BTN1A1: variants seen among roughly 807,000 people sequenced by gnomAD.
BTN1A1 encodes butyrophilin subfamily 1 member A1.
Under a neutral mutation model 33.1 loss-of-function variants are expected in BTN1A1, and 26 were observed. The observed-to-expected ratio is 0.79, with a 90% CI of 0.58 to 1.09. The LOEUF is 1.09. Ranked by LOEUF, BTN1A1 falls within the 50% of genes least tolerant of loss-of-function variation. The pLI is 0.00. For synonymous variants in BTN1A1, 235 were observed against 256.2 expected (o/e 0.92, Z 0.79); for missense variants, 558 against 655.7 (o/e 0.85, Z 1.63).
intron 3 of BTN1A1, among the ~76,000 whole-genome samples, chr6:26,503,967 T>A (rs1285733529): frequency 6.6e-6 from 1 of 152,112 alleles, no homozygotes; most frequent in African/African-American, 2.4e-5. Context: ...GGAATGTGGA[T>A]TTTAACCAGT....
chr6:26,503,657 A>T (rs897994359), intron 3 of BTN1A1, among the ~76,000 whole-genome samples: 1 of 148,678 alleles, frequency 6.7e-6, no homozygotes, highest in Non-Finnish European at 1.5e-5. Flanking sequence ...ATATGCATAT[A>T]TTATATATAT....
rs1581431486 is a variant in BTN1A1 at position 26,508,678 on chromosome 6, T to G, written c.1085T>G (p.Val362Gly). 3 of 1,613,510 alleles carry G rather than the reference T, an allele frequency of 1.9e-6. No individual in the cohort carries two copies. Among genetic ancestry groups the G allele is most frequent in the Non-Finnish European group, 2.5e-6 (3 of 1,179,882 alleles). ...TFTSGRHYWEVEVGDRTDWAI... is the reference protein window; with the variant it reads ...TFTSGRHYWEGEVGDRTDWAI... ...ACCTCAGGAAGGCATTACTGGGAGG[T>G]GGAGGTGGGAGACAGGACTGACTGG... is the stretch of plus-strand genomic sequence containing the variant. The change falls in exon 8 of 8, where the codon GTG becomes GGG. Residue 362 changes from valine (V) to glycine (G), a missense_variant. Val to Gly is a moderately radical substitution (Grantham distance 109, BLOSUM62 -3). Transcript: ENST00000684113.
intron 3 of BTN1A1, 44 bp from the exon 4 acceptor site, chr6:26,504,881 A>G: frequency 1.3e-6 from 2 of 1,586,076 alleles, no homozygotes; most frequent in Non-Finnish European, 1.7e-6. Context: ...AAGGCTCCCA[A>G]AAGGGGTCCG....
chr6:26,508,922 T>C lies in BTN1A1; in HGVS notation c.1329T>C (p.Asp443=), dbSNP rs1294388475. The C allele has an allele frequency of 6.2e-7, 1 of 1,614,222 alleles. No individual in the cohort carries two copies. Among genetic ancestry groups the C allele is most frequent in the South Asian group, 1.1e-5 (1 of 91,082 alleles). ...TCTACAACATGAATGATGGATCTGA[T>C]ATCTATACTTTCTCCAATGTCACTT... ...ISFYNMNDGS[D]IYTFSNVTFS... is the part of the protein sequence containing the mutation. The change falls in exon 8 of 8, where the codon GAT becomes GAC. Residue 443 remains aspartate, a synonymous_variant. Transcript: ENST00000684113.
chr6:26,506,974 G>A (rs1177919508), intron 5 of BTN1A1, 142 bp downstream of exon 5: 36 of 1,057,738 alleles, frequency 3.4e-5, no homozygotes, highest in Middle Eastern at 3.0e-4. Flanking sequence ...TAATCCCAGC[G>A]GTTTGGGAAG....
At chr6:26,506,123 CA>C (rs34524548) in intron 4 of BTN1A1, among the ~76,000 whole-genome samples, 207 of 129,980 alleles carry the variant, frequency 1.6e-3, no homozygotes, top group East Asian at 1.3e-3. Context: ...GACTGCATCT[CA>C]AAAAAAAAAA....
chr6:26,504,820 C>G, intron 3 of BTN1A1, 105 bp from the exon 4 acceptor site: 1 of 1,189,738 alleles, frequency 8.4e-7, no homozygotes, highest in Middle Eastern at 2.9e-4. Context: ...TACTAGTCCA[C>G]TTGTGCCTTT....
chr6:26,501,182 G>A lies in BTN1A1; in HGVS notation c.-57-48G>A, dbSNP rs923971333. The stretch of plus-strand genomic sequence containing the variant: ...AACTGTAGAGAGGACTTTGGAAAGC[G>A]GAGGGTTGACAGAGCCGGTAGTTGT... On this transcript the variant is annotated intron_variant, in intron 1 of 7. Coordinates refer to ENST00000684113, the MANE Select transcript of BTN1A1 (RefSeq NM_001732.3). The surrounding 1 kb of genome is among the most constrained non-coding windows in gnomAD (Gnocchi z 5.2). 4 of 957,720 alleles carry A rather than the reference G, an allele frequency of 4.2e-6. No homozygotes were observed. The highest frequency in any genetic ancestry group is 1.6e-5 in the African/African-American group (1 of 62,368). 59.3% of individuals were successfully genotyped at this position (957,720 alleles called of 1,614,324 possible). A position where few individuals can be genotyped will look rare whatever the true frequency, so the allele number is the denominator to read the frequency against.
rs1224303287 is a variant in BTN1A1 at position 26,501,520 on chromosome 6, G to A, written c.80-70G>A. The A allele has an allele frequency of 1.9e-6, 3 of 1,596,526 alleles. No homozygotes were observed. The highest frequency in any genetic ancestry group is 1.3e-5 in the African/African-American group (1 of 74,512). ...GAGCGCGGGGCACTGCGCTTTGGCG[G>A]GAATCTGGTCGGTGTCTGTCCGTAG... On this transcript the variant is annotated intron_variant, in intron 2 of 7. Coordinates refer to ENST00000684113, the MANE Select transcript of BTN1A1 (RefSeq NM_001732.3). This position sits in a 1 kb window ranked among gnomAD's most constrained non-coding sequence, Gnocchi z 5.2.
intron 4 of BTN1A1, among the ~76,000 whole-genome samples, chr6:26,506,474 G>A (rs951919746): frequency 1.3e-5 from 2 of 151,842 alleles, no homozygotes; most frequent in East Asian, 3.9e-4. Context: ...AAAATTACTC[G>A]TCATTTCTCT....
rs373501777 is a variant in BTN1A1 at position 26,506,699 on chromosome 6, G to T, written c.726G>T (p.Arg242Ser). ...TTGTTTTAGCTTCCTCCCTCCCAAGGCTGACTCCCTGGATAGTGGCTGTGG... is the reference window on the plus strand; with the variant it reads ...TTGTTTTAGCTTCCTCCCTCCCAAGTCTGACTCCCTGGATAGTGGCTGTGG... ...EISIPASSLP[R>S]LTPWIVAVAV... Residue 242 changes from arginine to serine, a missense_variant, in exon 5 of 8, where the codon AGG becomes AGT. Physicochemically the swap from Arg to Ser is moderately radical, Grantham distance 110. Coordinates refer to ENST00000684113, the MANE Select transcript of BTN1A1 (RefSeq NM_001732.3). 1.1e-5 allele frequency: 18 copies of T among 1,613,904 alleles called. No homozygotes were observed. The Admixed American group carries it at 2.7e-4, about 24-fold the overall frequency.
At chr6:26,506,270 C>T (rs1336450751) in intron 4 of BTN1A1, among the ~76,000 whole-genome samples, 1 of 152,158 alleles carries the variant, frequency 6.6e-6, no homozygotes, top group Non-Finnish European at 1.5e-5. Context: ...CAGATACTGT[C>T]TCTGGTTCAG....
intron 3 of BTN1A1, among the ~76,000 whole-genome samples, chr6:26,502,902 T>C (rs1191248266): frequency 6.6e-6 from 1 of 152,202 alleles, no homozygotes; most frequent in African/African-American, 2.4e-5. Context: ...ATAAAGAAAA[T>C]AATAAGCTTT....
rs7745700 is a variant in BTN1A1 at position 26,509,507 on chromosome 6, T to G, written c.*333T>G. The stretch of plus-strand genomic sequence containing the variant: ...GGGTCAGGTTAGCATGGGGTTGTGG[T>G]TGAAATATCTTGGTATCCAGGATAA... On this transcript the variant is annotated 3_prime_UTR_variant, in exon 8 of 8. Transcript: ENST00000684113. 339 of 213,608 alleles carry G rather than the reference T, an allele frequency of 1.6e-3. No individual in the cohort carries two copies. The highest frequency in any genetic ancestry group is 7.4e-3 in the African/African-American group (321 of 43,516). 13.2% of individuals were successfully genotyped at this position (213,608 alleles called of 1,614,324 possible).
At chr6:26,508,174 AC>A in intron 7 of BTN1A1, 87 bp downstream of exon 7, 1 of 1,440,488 alleles carries the variant, frequency 6.9e-7, no homozygotes, top group Non-Finnish European at 9.4e-7. Context: ...GAAAACACTA[AC>A]ACTTTAGTGA....
In BTN1A1 at chr6:26,501,262, T is replaced by C; in HGVS notation, c.-25T>C. On this transcript the variant is annotated 5_prime_UTR_variant, in exon 2 of 8. Coordinates refer to ENST00000684113, the MANE Select transcript of BTN1A1 (RefSeq NM_001732.3). The surrounding 1 kb of genome is among the most constrained non-coding windows in gnomAD (Gnocchi z 5.2). Reference sequence around the variant, plus strand: ...CTCCTGAGGGGACTCACATCAGTTATCTTGCTGCTCCAGAAGGGTGGGAGA... The same window carrying C: ...CTCCTGAGGGGACTCACATCAGTTACCTTGCTGCTCCAGAAGGGTGGGAGA... The C allele has an allele frequency of 6.2e-7, 1 of 1,603,254 alleles. No homozygotes were observed. Among genetic ancestry groups the C allele is most frequent in the Non-Finnish European group, 8.5e-7 (1 of 1,170,168 alleles).
At chr6:26,500,908 G>A (rs1312901677) in intron 1 of BTN1A1, among the ~76,000 whole-genome samples, 1 of 152,056 alleles carries the variant, frequency 6.6e-6, no homozygotes, top group Non-Finnish European at 1.5e-5. Context: ...GAGCAAGACT[G>A]TCTCAAAAAT....
chr6:26,506,843 G>C lies in BTN1A1; in HGVS notation c.859+11G>C, dbSNP rs776650585. On this transcript the variant is annotated intron_variant, in intron 5 of 7. Transcript: ENST00000684113. Reference sequence around the variant, plus strand: ...AATTCAGCTCTAAAGGTAAACCATAGAATCCACAAGGGCTACGTGTCAGGA... The same window carrying C: ...AATTCAGCTCTAAAGGTAAACCATACAATCCACAAGGGCTACGTGTCAGGA... 1.2e-6 allele frequency: 2 copies of C among 1,613,706 alleles called. No homozygotes were observed. The highest frequency in any genetic ancestry group is 1.3e-5 in the African/African-American group (1 of 74,914).
Position 26,501,703 on chromosome 6 carries a change from T to C in BTN1A1, c.193T>C (p.Trp65Arg), listed in dbSNP as rs1413536923. ...NASAEHLELR[W>R]FRKKVSPAVL... Reference sequence around the variant, plus strand: ...GAGCGCCGAGCACTTGGAGCTACGCTGGTTCCGAAAGAAGGTTTCGCCGGC... The same window carrying C: ...GAGCGCCGAGCACTTGGAGCTACGCCGGTTCCGAAAGAAGGTTTCGCCGGC... Residue 65 changes from tryptophan (W) to arginine (R), a missense_variant, in exon 3 of 8, where the codon TGG (tryptophan) becomes CGG (arginine). Coordinates refer to ENST00000684113, the MANE Select transcript of BTN1A1 (RefSeq NM_001732.3). This position sits in a 1 kb window ranked among gnomAD's most constrained non-coding sequence, Gnocchi z 5.2. The C allele has an allele frequency of 1.2e-6, 2 of 1,613,872 alleles. No individual in the cohort carries two copies. Among genetic ancestry groups the C allele is most frequent in the Non-Finnish European group, 8.5e-7 (1 of 1,180,014 alleles).
Sources: gnomAD v4.1 joint callset for allele counts (sites outside exome capture counted in the v4.1 genomes callset) on GRCh38, gnomAD v4.1.1 for gene constraint, Gnocchi (gnomAD v3.1) non-coding constraint, MANE v1.5 for transcripts, NCBI Gene and HGNC (gene_info 2026-07-23, HGNC 2026-07-21) for gene names.